ACCSL: variants seen among roughly 807,000 people sequenced by gnomAD.
ACCSL encodes the protein 1-aminocyclopropane-1-carboxylate synthase homolog (inactive) like, also known as probable inactive 1-aminocyclopropane-1-carboxylate synthase-like protein 2.
Under a neutral mutation model 61.7 loss-of-function variants are expected in ACCSL, and 55 were observed. That is an observed-to-expected ratio of 0.89 (90% CI 0.72 to 1.12). The LOEUF (loss-of-function observed/expected upper bound fraction) is 1.12. Ranked by LOEUF, ACCSL falls within the 50% of genes most tolerant of loss-of-function variation. The probability of loss-of-function intolerance (pLI) is 0.00; values close to 1 mark genes in which losing one functional copy is unlikely to be tolerated. For synonymous variants in ACCSL, 258 were observed against 264.3 expected (o/e 0.98, Z 0.23); for missense variants, 632 against 698.0 (o/e 0.91, Z 1.07).
chr11:44,004,454 G>A, the ACCSL span, among the ~76,000 whole-genome samples: 22 of 151,970 alleles, frequency 1.4e-4, 1 homozygote, highest in African/African-American at 3.9e-4. Flanking sequence ...CTCCCTACCC[G>A]CACCCAGGGC....
At chr11:44,005,188 G>A in the ACCSL span, among the ~76,000 whole-genome samples, 4 of 151,722 alleles carry the variant, frequency 2.6e-5, no homozygotes, top group African/African-American at 7.3e-5. Flanking sequence ...TCCACCCCTC[G>A]ACAAGAGTCC....
At chr11:44,052,895 C>T in intron 6 of ACCSL, 96 bp from the exon 7 acceptor site, 2 of 1,465,490 alleles carry the variant, frequency 1.4e-6, no homozygotes, top group South Asian at 1.1e-5. Flanking sequence ...TGGACTGGCA[C>T]TCTGGTATGA....
chr11:43,929,188 G>A, the ACCSL span, among the ~76,000 whole-genome samples: 1 of 152,144 alleles, frequency 6.6e-6, no homozygotes, highest in Non-Finnish European at 1.5e-5. Flanking sequence ...GAATGCGAAG[G>A]AAAGAGCTTG....
At chr11:43,971,837 C>T in the ACCSL span, among the ~76,000 whole-genome samples, 3 of 152,212 alleles carry the variant, frequency 2.0e-5, no homozygotes, top group African/African-American at 7.2e-5. Flanking sequence ...GCTGCCTCTA[C>T]TCTCCCTCAC....
chr11:44,009,719 C>T, the ACCSL span, among the ~76,000 whole-genome samples: 38 of 152,208 alleles, frequency 2.5e-4, no homozygotes, highest in Non-Finnish European at 4.9e-4. Flanking sequence ...GAGCCGTGAT[C>T]GCACCACTGC....
In ACCSL at chr11:44,048,056, C is replaced by A. The variant is rs1357385131; in HGVS notation, c.20C>A (p.Thr7Asn). ...CGGAGTATGAGTCATCGGTCAGACA[C>A]CCTTCCTGTGCCCTCTGGTCAGAGG... Reference protein sequence around the residue: MSHRSDTLPVPSGQRRG... With the variant: MSHRSDNLPVPSGQRRG... Residue 7 changes from threonine (T) to asparagine (N), a missense_variant, in exon 1 of 14, where the codon ACC becomes AAC. Physicochemically the swap from Thr to Asn is moderately conservative, Grantham distance 65. Transcript: ENST00000378832. The A allele has an allele frequency of 6.2e-7, 1 of 1,611,694 alleles. No homozygotes were observed. The highest frequency in any genetic ancestry group is 8.5e-7 in the Non-Finnish European group (1 of 1,177,976).
chr11:44,037,211 AG>A, the ACCSL span, among the ~76,000 whole-genome samples: 2 of 152,184 alleles, frequency 1.3e-5, no homozygotes, highest in Non-Finnish European at 2.9e-5. Context: ...GAGATGCCAA[AG>A]GGGTGGTAGC....
the ACCSL span, among the ~76,000 whole-genome samples, chr11:44,001,511 A>G: frequency 6.5e-4 from 99 of 152,228 alleles, no homozygotes; most frequent in Non-Finnish European, 1.1e-3. Flanking sequence ...GAGACTGTGT[A>G]TAGAGAAGAT....
At position 44,058,708 on chromosome 11, in the gene ACCSL, A is replaced by G; in HGVS notation, c.1624+9A>G. On this transcript the variant is annotated intron_variant, in intron 13 of 13. Transcript: ENST00000378832. ...CCCCCGGCTAAAATTGGGTGAGTGGAGCTGACCTCCCAATCCTTTAAAGAC... is the reference window on the plus strand; with the variant it reads ...CCCCCGGCTAAAATTGGGTGAGTGGGGCTGACCTCCCAATCCTTTAAAGAC... 1 of 1,605,636 alleles carries G rather than the reference A, an allele frequency of 6.2e-7. No homozygotes were observed. Among genetic ancestry groups the G allele is most frequent in the Non-Finnish European group, 8.5e-7 (1 of 1,174,822 alleles).
the ACCSL span, chr11:43,945,097 G>A: frequency 6.6e-6 from 1 of 152,392 alleles, no homozygotes; most frequent in Non-Finnish European, 1.5e-5. Flanking sequence ...CCTCGGCTCA[G>A]AGAGAGCACA....
the ACCSL span, among the ~76,000 whole-genome samples, chr11:43,992,322 C>T: frequency 6.6e-6 from 1 of 152,198 alleles, no homozygotes; most frequent in South Asian, 2.1e-4. Flanking sequence ...GTTGGGATTA[C>T]AGGCGTGAGC....
chr11:44,013,752 C>CAAAAACAAAAATAA, the ACCSL span, among the ~76,000 whole-genome samples: 1 of 148,970 alleles, frequency 6.7e-6, no homozygotes, highest in Non-Finnish European at 1.5e-5. Context: ...TAGTTTAATT[C>CAAAAACAAAAATAA]AAAAACAAAA....
the ACCSL span, among the ~76,000 whole-genome samples, chr11:44,021,527 T>C: frequency 6.6e-6 from 1 of 152,150 alleles, no homozygotes; most frequent in Non-Finnish European, 1.5e-5. Flanking sequence ...AGTTCCTTGT[T>C]GGATGTATAG....
chr11:44,044,941 A>G (rs1952590025), upstream of ACCSL, among the ~76,000 whole-genome samples: 1 of 152,154 alleles, frequency 6.6e-6, no homozygotes, highest in East Asian at 1.9e-4. Flanking sequence ...ACTGAAACCA[A>G]TGGTATAGCC....
chr11:43,934,895 G>A, the ACCSL span, among the ~76,000 whole-genome samples: 4 of 152,182 alleles, frequency 2.6e-5, no homozygotes, highest in Admixed American at 6.5e-5. Context: ...AGAACTGGTG[G>A]TTGCTTTTTT....
the ACCSL span, among the ~76,000 whole-genome samples, chr11:43,927,783 G>A: frequency 6.6e-6 from 1 of 152,316 alleles, no homozygotes; most frequent in South Asian, 2.1e-4. Context: ...CTCCTGCCCT[G>A]CTTGAGCACT....
the ACCSL span, among the ~76,000 whole-genome samples, chr11:43,996,189 G>C: frequency 2.9e-4 from 44 of 152,340 alleles, no homozygotes; most frequent in Non-Finnish European, 3.8e-4. Flanking sequence ...ATTTCCAGCC[G>C]CTAGAACTGT....
At chr11:43,985,512 T>C in the ACCSL span, among the ~76,000 whole-genome samples, 7 of 152,288 alleles carry the variant, frequency 4.6e-5, no homozygotes, top group African/African-American at 1.7e-4. Context: ...CAGTTGTTTA[T>C]CTGACAAATA....
chr11:43,931,634 T>C, the ACCSL span, among the ~76,000 whole-genome samples: 2 of 152,188 alleles, frequency 1.3e-5, no homozygotes, highest in African/African-American at 4.8e-5. Flanking sequence ...AGCTTGGAGA[T>C]AGTCGTACTG....
Sources: allele counts gnomAD v4.1 joint callset (sites outside exome capture counted in the v4.1 genomes callset), GRCh38; gene constraint gnomAD v4.1.1; transcripts MANE v1.5; gene names NCBI Gene and HGNC (gene_info 2026-07-23, HGNC 2026-07-21).